Variants in ANXA6 observed in about 807,000 individuals in gnomAD.
ANXA6 encodes the protein annexin A6.
Under a neutral mutation model 95.4 loss-of-function variants are expected in ANXA6, and 71 were observed. That is an observed-to-expected ratio of 0.74 (90% CI 0.61 to 0.91). The LOEUF (loss-of-function observed/expected upper bound fraction) is 0.91, where lower values mean the gene tolerates loss of function less well. Among genes scored for constraint, ANXA6 ranks in the 40% least tolerant of loss-of-function variants. The probability of loss-of-function intolerance (pLI) is 0.00; values close to 1 mark genes in which losing one functional copy is unlikely to be tolerated. For synonymous variants in ANXA6, 289 were observed against 315.9 expected (o/e 0.91, Z 0.90); for missense variants, 830 against 876.4 (o/e 0.95, Z 0.67).
intron 17 of ANXA6, among the ~76,000 whole-genome samples, chr5:151,120,149 C>G (rs1167023824): frequency 1.3e-5 from 2 of 152,150 alleles, no homozygotes; most frequent in Non-Finnish European, 2.9e-5. Flanking sequence ...CGTGAGCCAT[C>G]ATGGCTGGCT....
intron 8 of ANXA6, 52 bp downstream of exon 8, chr5:151,134,375 C>T: frequency 6.3e-7 from 1 of 1,596,402 alleles, no homozygotes; most frequent in Non-Finnish European, 8.6e-7. Context: ...AACCTCTCCC[C>T]TCCCAAGGCT....
Position 151,139,302 on chromosome 5 carries a change from G to T in ANXA6, c.204+51C>A, listed in dbSNP as rs1442743336. On this transcript the variant is annotated intron_variant, in intron 4 of 25. Coordinates refer to ENST00000354546, the MANE Select transcript of ANXA6 (RefSeq NM_001155.5). The stretch of plus-strand genomic sequence containing the variant: ...AACCTGAACGAGCACACAGGTGAAT[G>T]AAATCATTCTTCCACCCGCACCCCA... 1.3e-5 allele frequency: 17 copies of T among 1,343,132 alleles called. No homozygotes were observed. The East Asian group carries it at 3.7e-4, about 29-fold the overall frequency. 83.2% of individuals were successfully genotyped at this position (1,343,132 alleles called of 1,614,324 possible).
At position 151,101,008 on chromosome 5, in the gene ANXA6, T is replaced by G. The variant is rs60849314; in HGVS notation, c.*440A>C. On this transcript the variant is annotated 3_prime_UTR_variant, in exon 26 of 26. Transcript: ENST00000354546. ...AAATGGATGGGAAGATTTGTCAGTT[T>G]GCCCCAGCACATTTACTATCCTTCC... is the stretch of plus-strand genomic sequence containing the variant. The G allele has an allele frequency of 7.4e-3, 3,407 of 460,376 alleles. 102 individuals are homozygous for G. Among genetic ancestry groups the G allele is most frequent in the African/African-American group, 0.063 (3,151 of 50,304 alleles). 28.5% of individuals were successfully genotyped at this position (460,376 alleles called of 1,614,324 possible).
chr5:151,115,206 T>C (rs1764963984), intron 20 of ANXA6, among the ~76,000 whole-genome samples: 1 of 152,228 alleles, frequency 6.6e-6, no homozygotes, highest in African/African-American at 2.4e-5. Flanking sequence ...CACTTTTATA[T>C]ATACATAGAG....
intron 20 of ANXA6, among the ~76,000 whole-genome samples, chr5:151,112,685 A>G (rs1489142844): frequency 6.6e-6 from 1 of 152,194 alleles, no homozygotes; most frequent in Non-Finnish European, 1.5e-5. Flanking sequence ...TTAGCTGAGC[A>G]TGGTGGCGCA....
Position 151,110,615 on chromosome 5 carries a change from C to G in ANXA6, c.1590+12G>C. 6.2e-7 allele frequency: 1 copy of G among 1,613,210 alleles called. No homozygotes were observed. Among genetic ancestry groups the G allele is most frequent in the Non-Finnish European group, 8.5e-7 (1 of 1,179,446 alleles). ...AGGCCGTTAAAACCCAAATGAAGAA[C>G]AGGACACTCACCAAGATCTCAGCAG... On this transcript the variant is annotated intron_variant, in intron 21 of 25. Coordinates refer to ENST00000354546, the MANE Select transcript of ANXA6 (RefSeq NM_001155.5).
intron 7 of ANXA6, among the ~76,000 whole-genome samples, chr5:151,135,015 T>G (rs1041535448): frequency 6.6e-6 from 1 of 152,234 alleles, no homozygotes; most frequent in African/African-American, 2.4e-5. Flanking sequence ...GCTTCTGTTG[T>G]TCTGCCCATG....
intron 1 of ANXA6, chr5:151,150,988 C>T (rs903608249): frequency 1.3e-5 from 2 of 152,256 alleles, no homozygotes; most frequent in Non-Finnish European, 2.9e-5. Flanking sequence ...AGCCCAGGCC[C>T]ATCTGGAGGA....
At chr5:151,145,378 T>C (rs1289513864) in intron 2 of ANXA6, among the ~76,000 whole-genome samples, 1 of 152,238 alleles carries the variant, frequency 6.6e-6, no homozygotes, top group African/African-American at 2.4e-5. Flanking sequence ...TGCCCTGTCC[T>C]CAAGGTGTTT....
chr5:151,120,008 T>A lies in ANXA6; in HGVS notation c.1348-618A>T, dbSNP rs142677903. Among the ~76,000 whole-genome samples the A allele has an allele frequency of 1.5e-3, 229 of 152,286 alleles. 6 individuals are homozygous for A. In the East Asian group the frequency reaches 0.041, roughly 27 times the overall value. ...GATTCTCCTACTTCAGCCTCCCAAG[T>A]AGCTGGGGCCACAGAAGCATGCCAC... On this transcript the variant is annotated intron_variant, in intron 17 of 25. Transcript: ENST00000354546.
chr5:151,136,595 G>A (rs1765670205), intron 6 of ANXA6, among the ~76,000 whole-genome samples: 2 of 152,164 alleles, frequency 1.3e-5, no homozygotes, highest in Non-Finnish European at 2.9e-5. Context: ...CTTTCCGATG[G>A]TTCTCTCCTC....
rs191659393 is a variant in ANXA6 at position 151,114,495 on chromosome 5, T to A, written c.1572+2632A>T. Among the ~76,000 whole-genome samples, 886 of 151,704 alleles carry A rather than the reference T, an allele frequency of 5.8e-3. 11 individuals are homozygous for A. Among genetic ancestry groups the A allele is most frequent in the African/African-American group, 0.02 (836 of 41,342 alleles). The stretch of plus-strand genomic sequence containing the variant: ...TGGGCATGGTGTTGGGAGCTTGTAA[T>A]CCCAGCTACTTGGGAGTCTGAGGCA... On this transcript the variant is annotated intron_variant, in intron 20 of 25. Transcript: ENST00000354546.
chr5:151,126,313 G>A, intron 14 of ANXA6, 89 bp downstream of exon 14: 2 of 1,157,162 alleles, frequency 1.7e-6, no homozygotes, highest in African/African-American at 1.5e-5. Context: ...GGCCGCCAGG[G>A]GGCAGCTGGG....
At chr5:151,140,577 AATATAT>A (rs61352316) in intron 2 of ANXA6, 24,246 of 143,772 alleles carry the variant, frequency 0.17, 2,296 homozygotes, top group Non-Finnish European at 0.2. Flanking sequence ...GCAAGAGTCA[AATATAT>A]ATATATATAT....
intron 16 of ANXA6, among the ~76,000 whole-genome samples, chr5:151,122,490 C>T (rs1293938595): frequency 6.6e-6 from 1 of 152,204 alleles, no homozygotes; most frequent in African/African-American, 2.4e-5. Context: ...AACGGGAAGG[C>T]AGCAGAGCTG....
chr5:151,120,361 T>C (rs1765128840), intron 17 of ANXA6, among the ~76,000 whole-genome samples: 1 of 150,658 alleles, frequency 6.6e-6, no homozygotes, highest in African/African-American at 2.5e-5. Flanking sequence ...TTCAGGTACT[T>C]GTTAAGACAC....
intron 2 of ANXA6, among the ~76,000 whole-genome samples, chr5:151,144,507 A>G (rs1418364201): frequency 6.6e-6 from 1 of 152,064 alleles, no homozygotes; most frequent in African/African-American, 2.4e-5. Context: ...ATGGGATTGT[A>G]AGCTGCCGGG....
rs759728727 is a variant in ANXA6 at position 151,108,580 on chromosome 5, GGTGAGCTTCA to G, written c.1685-40_1685-31del. On this transcript the variant is annotated intron_variant, in intron 22 of 25. Coordinates refer to ENST00000354546, the MANE Select transcript of ANXA6 (RefSeq NM_001155.5). ...CCACAAGAGAAGCCCCAGAGGTGGGGGTGAGCTTCAGTGCAGGAGGCGGAGGACCCCTCCT... is the reference window on the plus strand; with the variant it reads ...CCACAAGAGAAGCCCCAGAGGTGGGGGTGCAGGAGGCGGAGGACCCCTCCT... 20 of 1,601,994 alleles carry G rather than the reference GGTGAGCTTCA, an allele frequency of 1.2e-5. 1 individual carries two copies. Among genetic ancestry groups the G allele is most frequent in the Non-Finnish European group, 1.1e-5 (13 of 1,169,008 alleles).
At chr5:151,155,914 G>T (rs1482548932) in intron 1 of ANXA6, among the ~76,000 whole-genome samples, 1 of 152,194 alleles carries the variant, frequency 6.6e-6, no homozygotes. Context: ...GGATGCTGCA[G>T]TGCGGATGTG....
Sources: gnomAD v4.1 joint callset for allele counts (sites outside exome capture counted in the v4.1 genomes callset) on GRCh38, gnomAD v4.1.1 for gene constraint, MANE v1.5 for transcripts, NCBI Gene and HGNC (gene_info 2026-07-23, HGNC 2026-07-21) for gene names.